NAE1: variants seen among roughly 807,000 people sequenced by gnomAD.
The protein encoded by NAE1 is NEDD8-activating enzyme E1 regulatory subunit.
NAE1 carries 59 observed loss-of-function variants against 88.0 expected under a neutral mutation model. The ratio of observed to expected loss-of-function variants is 0.67; its 90% CI spans 0.54 to 0.83. The LOEUF is 0.83. Among genes scored for constraint, NAE1 ranks in the 40% least tolerant of loss-of-function variants. NAE1 has a pLI of 0.00. For synonymous variants in NAE1, 186 were observed against 208.9 expected (o/e 0.89, Z 0.95); for missense variants, 554 against 632.8 (o/e 0.88, Z 1.34).
Position 66,812,875 on chromosome 16 carries a change from T to A in NAE1, c.1034+689A>T, listed in dbSNP as rs1225645199. 2.7e-5 allele frequency among the ~76,000 whole-genome samples: 4 copies of A among 145,902 alleles called. No individual in the cohort carries two copies. The East Asian group carries it at 8.0e-4, about 29-fold the overall frequency. ...TCTCACTCTGTCGCCCAGGCTGGAG[T>A]GCAGTGGTGCGATCTCCGCTCACTG... On this transcript the variant is annotated intron_variant, in intron 13 of 19. Coordinates refer to ENST00000290810, the MANE Select transcript of NAE1 (RefSeq NM_003905.4).
chr16:66,810,554 T>C (rs1332961506), intron 14 of NAE1, 141 bp from the exon 15 acceptor site: 3 of 1,083,244 alleles, frequency 2.8e-6, no homozygotes, highest in Non-Finnish European at 4.1e-6. Context: ...TGTTTCCTTA[T>C]CACAAGCTAT....
At chr16:66,829,730 G>C (rs1036583897) in intron 1 of NAE1, among the ~76,000 whole-genome samples, 5 of 152,310 alleles carry the variant, frequency 3.3e-5, no homozygotes, top group African/African-American at 1.2e-4. Flanking sequence ...AAGGAGAAAA[G>C]GCAAGGGTGG....
At chr16:66,805,243 C>T (rs771644151) in intron 19 of NAE1, among the ~76,000 whole-genome samples, 4 of 152,036 alleles carry the variant, frequency 2.6e-5, no homozygotes, top group Admixed American at 1.3e-4. Flanking sequence ...GGTTTTTTAA[C>T]GTCAAGCCAA....
At chr16:66,808,499 G>A (rs1232852946) in intron 17 of NAE1, 22 bp downstream of exon 17, 1 of 1,391,760 alleles carries the variant, frequency 7.2e-7, no homozygotes, top group Non-Finnish European at 1.0e-6. Context: ...ATTATATCTG[G>A]TAATTCAATT....
intron 7 of NAE1, among the ~76,000 whole-genome samples, chr16:66,821,106 T>C (rs1960240016): frequency 6.6e-6 from 1 of 152,044 alleles, no homozygotes; most frequent in Non-Finnish European, 1.5e-5. Context: ...GGAAAGGTGG[T>C]GTAACTTCAT....
Position 66,810,710 on chromosome 16 carries a change from T to C in NAE1, c.1097A>G (p.Gln366Arg), listed in dbSNP as rs1429586309. The C allele has an allele frequency of 1.2e-6, 2 of 1,614,086 alleles. No individual in the cohort carries two copies. The highest frequency in any genetic ancestry group is 1.7e-6 in the Non-Finnish European group (2 of 1,180,006). The change falls in exon 14 of 20, where the codon CAG becomes CGG. Residue 366 changes from glutamine (Q) to arginine (R), a missense_variant. By Grantham distance (43) the Gln-to-Arg change is conservative. Transcript: ENST00000290810. Reference protein sequence around the residue: ...AVGNHVAKLLQSIGQAPESIS... With the variant: ...AVGNHVAKLLRSIGQAPESIS... Reference sequence around the variant, plus strand: ...CCAGTAGCTTACCTGGCCAATGGACTGCAGCAATTTGGCAACATGATTACC... The same window carrying C: ...CCAGTAGCTTACCTGGCCAATGGACCGCAGCAATTTGGCAACATGATTACC...
At chr16:66,819,305 G>T in intron 7 of NAE1, among the ~76,000 whole-genome samples, 1 of 152,112 alleles carries the variant, frequency 6.6e-6, no homozygotes, top group East Asian at 1.9e-4. Flanking sequence ...CCAGAAACCT[G>T]ATGGGCATCC....
At chr16:66,825,642 G>A (rs1960437307) in intron 3 of NAE1, among the ~76,000 whole-genome samples, 1 of 151,992 alleles carries the variant, frequency 6.6e-6, no homozygotes, top group Non-Finnish European at 1.5e-5. Context: ...TAGAACCGGT[G>A]TTCCACAGAC....
At chr16:66,825,927 C>T (rs536712739) in intron 3 of NAE1, among the ~76,000 whole-genome samples, 1 of 152,254 alleles carries the variant, frequency 6.6e-6, no homozygotes, top group East Asian at 1.9e-4. Context: ...GAAACTGGCA[C>T]TACGATCCAA....
chr16:66,805,974 G>C lies in NAE1; in HGVS notation c.1383C>G (p.Leu461=). Reference sequence around the variant, plus strand: ...AACCATATTCCTGAAGGAAGCCAGTGAGACAAGACTTCAACTTTCCTATAT... The same window carrying C: ...AACCATATTCCTGAAGGAAGCCAGTCAGACAAGACTTCAACTTTCCTATAT... ...EEDIGKLKSC[L]TGFLQEYGLS... The change falls in exon 18 of 20, where the codon CTC becomes CTG. Residue 461 remains leucine, a synonymous_variant. Coordinates refer to ENST00000290810, the MANE Select transcript of NAE1 (RefSeq NM_003905.4). 6.8e-6 allele frequency: 11 copies of C among 1,613,500 alleles called. No homozygotes were observed. Among genetic ancestry groups the C allele is most frequent in the Non-Finnish European group, 9.3e-6 (11 of 1,179,810 alleles).
At chr16:66,817,210 G>T in intron 9 of NAE1, 182 bp from the exon 10 acceptor site, 1 of 922,040 alleles carries the variant, frequency 1.1e-6, no homozygotes. Context: ...CATTCCCCCT[G>T]CCAGTTTCAT....
chr16:66,826,881 T>C (rs1960483593), intron 1 of NAE1, 101 bp from the exon 2 acceptor site: 3 of 1,039,932 alleles, frequency 2.9e-6, no homozygotes, highest in East Asian at 2.4e-5. Context: ...TAGACTGATA[T>C]GATAACCACA....
chr16:66,826,388 C>T (rs1960463957), intron 3 of NAE1, 135 bp downstream of exon 3: 1 of 773,958 alleles, frequency 1.3e-6, no homozygotes, highest in Non-Finnish European at 2.1e-6. Flanking sequence ...CCTATATTAT[C>T]TCACTTCCTC....
chr16:66,822,622 T>C (rs72794213), intron 6 of NAE1, among the ~76,000 whole-genome samples: 6,177 of 151,882 alleles, frequency 0.041, 179 homozygotes, highest in Non-Finnish European at 0.059. Flanking sequence ...CCTCATCTTT[T>C]CAATGCTGGA....
rs1053427169 is a variant in NAE1 at position 66,821,505 on chromosome 16, G to C, written c.456C>G (p.Ile152Met). 6.2e-7 allele frequency: 1 copy of C among 1,602,690 alleles called. No individual in the cohort carries two copies. Among genetic ancestry groups the C allele is most frequent in the African/African-American group, 1.3e-5 (1 of 74,170 alleles). ...VLWNSQIPLL[I>M]CRTYGLVGYM... The stretch of plus-strand genomic sequence containing the variant: ...AACCAACTAGTCCATATGTCCTACA[G>C]ATCAAAAGAGGAATCTGGGAATTCC... Residue 152 changes from isoleucine (I) to methionine (M), a missense_variant, in exon 7 of 20, where the codon ATC becomes ATG. By Grantham distance (10) the Ile-to-Met change is conservative. Transcript: ENST00000290810.
intron 1 of NAE1, among the ~76,000 whole-genome samples, chr16:66,829,782 G>A (rs960068509): frequency 2.6e-5 from 4 of 152,230 alleles, no homozygotes; most frequent in Admixed American, 6.5e-5. Flanking sequence ...GGCCTGCACT[G>A]TCCATTAAGG....
At chr16:66,821,102 G>A (rs990642223) in intron 7 of NAE1, among the ~76,000 whole-genome samples, 1 of 152,100 alleles carries the variant, frequency 6.6e-6, no homozygotes, top group Non-Finnish European at 1.5e-5. Context: ...GTGGGGAAAG[G>A]TGGTGTAACT....
intron 17 of NAE1, among the ~76,000 whole-genome samples, chr16:66,808,308 C>G (rs1288828186): frequency 1.3e-5 from 2 of 152,166 alleles, no homozygotes; most frequent in African/African-American, 2.4e-5. Context: ...ATTCAACCAA[C>G]ATCCCCCTGT....
At chr16:66,816,767 T>C (rs1960058646) in intron 10 of NAE1, 95 bp from the exon 11 acceptor site, 40 of 1,289,744 alleles carry the variant, frequency 3.1e-5, no homozygotes, top group Non-Finnish European at 4.1e-5. Context: ...CTGCAGAATA[T>C]TAAATCTTAA....
Sources: gnomAD v4.1 joint callset for allele counts (sites outside exome capture counted in the v4.1 genomes callset) on GRCh38, gnomAD v4.1.1 for gene constraint, MANE v1.5 for transcripts, NCBI Gene and HGNC (gene_info 2026-07-23, HGNC 2026-07-21) for gene names.